Variants in ZNF44 observed in about 807,000 individuals in gnomAD.
ZNF44 encodes zinc finger protein 44.
A neutral mutation model predicts 11.7 loss-of-function variants in ZNF44; 9 were observed. The ratio of observed to expected loss-of-function variants is 0.77; its 90% CI spans 0.46 to 1.35. The LOEUF (loss-of-function observed/expected upper bound fraction) is 1.35, where lower values mean the gene tolerates loss of function less well. Ranked by LOEUF, ZNF44 falls within the 40% of genes most tolerant of loss-of-function variation. The probability of loss-of-function intolerance (pLI) is 0.00; values close to 1 mark genes in which losing one functional copy is unlikely to be tolerated. For synonymous variants in ZNF44, 224 were observed against 242.7 expected (o/e 0.92, Z 0.72); for missense variants, 696 against 743.1 (o/e 0.94, Z 0.74).
chr19:12,293,794 G>A (rs1259106701), intron 1 of ZNF44, among the ~76,000 whole-genome samples: 3 of 152,006 alleles, frequency 2.0e-5, no homozygotes, highest in Admixed American at 6.6e-5. Flanking sequence ...AGAAATGGTC[G>A]CCCTTGGAAA....
chr19:12,261,569 CAGAGAGCTAT>C (rs1232611661), intron 5 of ZNF44, among the ~76,000 whole-genome samples: 1 of 152,130 alleles, frequency 6.6e-6, no homozygotes, highest in African/African-American at 2.4e-5. Flanking sequence ...TTCAAGGTTA[CAGAGAGCTAT>C]GATTGCACTA....
In ZNF44 at chr19:12,273,058, C is replaced by A; in HGVS notation, c.1197G>T (p.Gly399=). The change falls in exon 4 of 4, where the codon GGG becomes GGT. Residue 399 remains glycine, a synonymous_variant. Coordinates refer to ENST00000355684, the MANE Select transcript of ZNF44 (RefSeq NM_016264.4). ...ATACACTAGGAGAATCAAAGGCTTTCCCACATACTGTGCATTTATGAGGGC... is the reference window on the plus strand; with the variant it reads ...ATACACTAGGAGAATCAAAGGCTTTACCACATACTGTGCATTTATGAGGGC... ...GDGPHKCTVC[G]KAFDSPSVFQ... The A allele has an allele frequency of 6.2e-7, 1 of 1,613,618 alleles. No individual in the cohort carries two copies. Among genetic ancestry groups the A allele is most frequent in the Non-Finnish European group, 8.5e-7 (1 of 1,179,870 alleles).
intron 1 of ZNF44, among the ~76,000 whole-genome samples, chr19:12,289,707 T>G (rs971109813): frequency 6.8e-6 from 1 of 147,696 alleles, no homozygotes; most frequent in Admixed American, 6.9e-5. Flanking sequence ...TGCAGTGGCA[T>G]GATCTCGGCT....
intron 5 of ZNF44, among the ~76,000 whole-genome samples, chr19:12,256,849 C>A (rs993091079): frequency 1.3e-5 from 2 of 151,794 alleles, no homozygotes; most frequent in Admixed American, 6.6e-5. Context: ...GGATTACAGG[C>A]GCTCACCATC....
chr19:12,260,520 G>T, intron 5 of ZNF44: 1 of 1,080,302 alleles, frequency 9.3e-7, no homozygotes. Context: ...GCGGACCCGC[G>T]CCACCAAGAG....
intron 1 of ZNF44, among the ~76,000 whole-genome samples, chr19:12,280,811 T>C (rs1967447930): frequency 6.6e-6 from 1 of 152,282 alleles, no homozygotes; most frequent in South Asian, 2.1e-4. Flanking sequence ...CTATATTACA[T>C]TCAGACAAAT....
In ZNF44 at chr19:12,259,090, G is replaced by A. The variant is rs564495740; in HGVS notation, c.1913-8722C>T. 7.9e-5 allele frequency among the ~76,000 whole-genome samples: 12 copies of A among 152,170 alleles called. No homozygotes were observed. The South Asian group carries it at 1.0e-3, about 13-fold the overall frequency. ...GGGTCCCACCATGTTGCCCAGGCTC[G>A]TCTTGAACTCATGGGCTCCAGCAAT... On this transcript the variant is annotated intron_variant and NMD_transcript_variant, in intron 5 of 7. Transcript: ENST00000393337.
intron 1 of ZNF44, among the ~76,000 whole-genome samples, chr19:12,279,482 C>T (rs949096093): frequency 4.6e-5 from 7 of 151,726 alleles, no homozygotes; most frequent in Admixed American, 4.6e-4. Flanking sequence ...TTTTCAATAC[C>T]CCCACCCCCA....
intron 2 of ZNF44, among the ~76,000 whole-genome samples, chr19:12,232,393 A>G (rs1028270365): frequency 2.0e-5 from 3 of 152,276 alleles, no homozygotes; most frequent in East Asian, 1.9e-4. Flanking sequence ...GCTGGGGGAC[A>G]GTCAGGTCTT....
chr19:12,243,896 T>C (rs927885197), downstream of ZNF44, among the ~76,000 whole-genome samples: 13 of 152,228 alleles, frequency 8.5e-5, no homozygotes, highest in Non-Finnish European at 1.5e-4. Context: ...TTTGAATTTC[T>C]CTAATGATTA....
chr19:12,270,303 C>T (rs1247204078), downstream of ZNF44, among the ~76,000 whole-genome samples: 1 of 152,064 alleles, frequency 6.6e-6, no homozygotes, highest in Admixed American at 6.6e-5. Flanking sequence ...CAGCAAAGCT[C>T]ATGTTCAATA....
downstream of ZNF44, among the ~76,000 whole-genome samples, chr19:12,243,601 G>T (rs182286445): frequency 2.6e-5 from 4 of 152,150 alleles, no homozygotes. Flanking sequence ...GTTGACTATT[G>T]TGAATAATGC....
chr19:12,276,031 C>G lies in ZNF44; in HGVS notation c.55G>C (p.Ala19Pro), dbSNP rs758666890. 5 of 1,609,328 alleles carry G rather than the reference C, an allele frequency of 3.1e-6. No individual in the cohort carries two copies. The highest frequency in any genetic ancestry group is 4.2e-6 in the Non-Finnish European group (5 of 1,176,794). Residue 19 changes from alanine (A) to proline (P), a missense_variant, in exon 2 of 4, where the codon GCT (alanine) becomes CCT (proline). Ala to Pro is a conservative substitution (Grantham distance 27, BLOSUM62 -1). Coordinates refer to ENST00000355684, the MANE Select transcript of ZNF44 (RefSeq NM_016264.4). Reference protein sequence around the residue: ...VAVNFTHEEWALLGPSQKNLY... With the variant: ...VAVNFTHEEWPLLGPSQKNLY... ...TTCTTCTGTGATGGACCCAGCAAAG[C>G]CCACTCCTCATGGGTGAAGTTCACA...
rs766716570 is a variant in ZNF44, at chr19:12,272,396, A to G, written c.*11T>C. On this transcript the variant is annotated 3_prime_UTR_variant, in exon 4 of 4. Transcript: ENST00000355684. ...ATAAAACCAATGAATGCTTTCCCAC[A>G]TTCCATACACTTATAGAATATCCTT... 3 of 1,513,286 alleles carry G rather than the reference A, an allele frequency of 2.0e-6. No individual in the cohort carries two copies. Among genetic ancestry groups the G allele is most frequent in the Non-Finnish European group, 2.6e-6 (3 of 1,133,838 alleles). The allele number at this position is 1,513,286 out of a possible 1,614,324, so 93.7% of individuals were successfully genotyped here. A position where few individuals can be genotyped will look rare whatever the true frequency, so the allele number is the denominator to read the frequency against.
intron 5 of ZNF44, among the ~76,000 whole-genome samples, chr19:12,252,246 G>C (rs1029002841): frequency 7.9e-5 from 12 of 152,136 alleles, no homozygotes; most frequent in Non-Finnish European, 1.8e-4. Flanking sequence ...AGGGATAAGA[G>C]TTGAATTGAA....
chr19:12,262,469 C>T (rs1917547513), intron 5 of ZNF44, among the ~76,000 whole-genome samples: 1 of 152,072 alleles, frequency 6.6e-6, no homozygotes, highest in Non-Finnish European at 1.5e-5. Flanking sequence ...CAGGGTTTCA[C>T]TGTGTTAGCC....
At chr19:12,271,721 G>C (rs1966954591), downstream of ZNF44, 1 of 152,220 alleles carries the variant, frequency 6.6e-6, no homozygotes, top group African/African-American at 2.4e-5. Context: ...ATACGATGTA[G>C]ATAGGCCTGC....
At chr19:12,284,759 C>T (rs1306555875) in intron 1 of ZNF44, 7 of 848,990 alleles carry the variant, frequency 8.2e-6, no homozygotes, top group Admixed American at 2.0e-5. Context: ...CTGCCATCCG[C>T]GGGGCCATCA....
At position 12,272,994 on chromosome 19, in the gene ZNF44, AG is replaced by A. The variant is rs1967025121; in HGVS notation, c.1260del (p.Tyr421MetfsTer99). ...RHERTHTGEKPYECKQCGKAF... is the reference protein window; with the variant it reads ...RHERTHTGEKXYECKQCGKAF... ...GCTTTCCCACATTGCTTGCATTCAT[AG>A]GGTTTCTCTCCAGTGTGAGTCCTTT... On this transcript the variant is annotated frameshift_variant, in exon 4 of 4. Coordinates refer to ENST00000355684, the MANE Select transcript of ZNF44 (RefSeq NM_016264.4). LOFTEE classifies it low-confidence loss of function (END_TRUNC). 8.1e-6 allele frequency: 13 copies of A among 1,614,000 alleles called. No individual in the cohort carries two copies. Among genetic ancestry groups the A allele is most frequent in the Non-Finnish European group, 1.0e-5 (12 of 1,179,966 alleles).
Sources: gnomAD v4.1 joint callset for allele counts (sites outside exome capture counted in the v4.1 genomes callset) on GRCh38, gnomAD v4.1.1 for gene constraint, MANE v1.5 for transcripts, NCBI Gene and HGNC (gene_info 2026-07-23, HGNC 2026-07-21) for gene names.